Variants in FRMD7 observed in about 807,000 individuals in gnomAD.
FRMD7 encodes FERM domain containing 7.
FRMD7 carries 14 observed loss-of-function variants against 44.1 expected under a neutral mutation model. The ratio of observed to expected loss-of-function variants is 0.32; its 90% CI spans 0.21 to 0.50. The LOEUF (loss-of-function observed/expected upper bound fraction) is 0.50. FRMD7 is among the 20% of genes least tolerant of loss of function. FRMD7 has a pLI of 0.99. For synonymous variants in FRMD7, 212 were observed against 187.4 expected (o/e 1.13, Z -1.07); for missense variants, 501 against 522.3 (o/e 0.96, Z 0.40).
At chrX:132,103,157 T>C (rs766282590) in intron 1 of FRMD7, among the ~76,000 whole-genome samples, 4 of 112,195 alleles carry the variant, frequency 3.6e-5, no homozygotes, top group African/African-American at 6.5e-5. Flanking sequence ...GAATGTGTTA[T>C]GTAATAGGTA....
chrX:132,116,732 T>C (rs1928908217), intron 1 of FRMD7, among the ~76,000 whole-genome samples: 1 of 111,255 alleles, frequency 9.0e-6, no homozygotes, highest in Non-Finnish European at 1.9e-5. Flanking sequence ...AATACGTAGG[T>C]GATGGGTTGA....
At chrX:132,099,319 C>G in intron 3 of FRMD7, 149 bp downstream of exon 3, 2 of 460,372 alleles carry the variant, frequency 4.3e-6, no homozygotes, top group East Asian at 8.9e-5. Context: ...TTCTAAATTG[C>G]TGAATTTACT....
chrX:132,105,724 ATCG>A (rs1928628905), intron 1 of FRMD7, among the ~76,000 whole-genome samples: 1 of 111,522 alleles, frequency 9.0e-6, no homozygotes, highest in Non-Finnish European at 1.9e-5. Flanking sequence ...CAGCCATCAA[ATCG>A]TCGACAAAGC....
chrX:132,106,467 AT>A (rs1928649637), intron 1 of FRMD7, among the ~76,000 whole-genome samples: 1 of 112,119 alleles, frequency 8.9e-6, no homozygotes, highest in South Asian at 3.7e-4. Context: ...CAGTATGGCA[AT>A]TCCTCAACAA....
intron 4 of FRMD7, among the ~76,000 whole-genome samples, chrX:132,094,646 G>A (rs1429522736): frequency 8.9e-6 from 1 of 111,907 alleles, no homozygotes; most frequent in Non-Finnish European, 1.9e-5. Flanking sequence ...ATCACCCAAG[G>A]ATAGTGAATC....
rs766191752 is a variant in FRMD7 at position 132,099,454 on chromosome X, T to C, written c.205+14A>G. On this transcript the variant is annotated intron_variant, in intron 3 of 11. Coordinates refer to ENST00000298542, the MANE Select transcript of FRMD7 (RefSeq NM_194277.3). ...ACTGTGAACTCTCTTCCTTAAATGA[T>C]TTTCCATACTTACTTTTTACCTGCT... The C allele has an allele frequency of 2.5e-6, 3 of 1,184,695 alleles. No individual in the cohort carries two copies. The highest frequency in any genetic ancestry group is 3.4e-6 in the Non-Finnish European group (3 of 874,771).
intron 5 of FRMD7, among the ~76,000 whole-genome samples, chrX:132,091,902 A>G (rs2124236833): frequency 8.9e-6 from 1 of 111,985 alleles, no homozygotes; most frequent in South Asian, 3.7e-4. Context: ...ATTTAAAAAT[A>G]TAAATATTCA....
intron 5 of FRMD7, among the ~76,000 whole-genome samples, chrX:132,090,375 A>G (rs1275747935): frequency 8.9e-6 from 1 of 112,028 alleles, no homozygotes; most frequent in Non-Finnish European, 1.9e-5. Context: ...GCTCAGCAAA[A>G]GAAAGGAACA....
chrX:132,125,382 A>T (rs765541241), intron 1 of FRMD7, among the ~76,000 whole-genome samples: 1 of 111,759 alleles, frequency 8.9e-6, no homozygotes, highest in Non-Finnish European at 1.9e-5. Context: ...CCCTTATGCA[A>T]CCAATTATTT....
chrX:132,103,667 T>C (rs1467000014), intron 1 of FRMD7, among the ~76,000 whole-genome samples: 1 of 112,055 alleles, frequency 8.9e-6, no homozygotes, highest in Non-Finnish European at 1.9e-5. Flanking sequence ...AGTGGCTAGC[T>C]CTAAAAACAA....
At chrX:132,097,695 A>T (rs190449489) in intron 3 of FRMD7, among the ~76,000 whole-genome samples, 2 of 111,862 alleles carry the variant, frequency 1.8e-5, no homozygotes, top group East Asian at 5.6e-4. Flanking sequence ...GGGATTCTGC[A>T]TTCCTGACTG....
intron 5 of FRMD7, among the ~76,000 whole-genome samples, chrX:132,087,846 T>C: frequency 9.0e-6 from 1 of 111,333 alleles, no homozygotes; most frequent in Non-Finnish European, 1.9e-5. Context: ...AAAAGGATTA[T>C]ACACAATGAG....
chrX:132,109,258 C>T (rs1261145172), intron 1 of FRMD7, among the ~76,000 whole-genome samples: 2 of 111,914 alleles, frequency 1.8e-5, no homozygotes, highest in Non-Finnish European at 3.8e-5. Flanking sequence ...TACACAAAAA[C>T]AGAGACAGAG....
intron 5 of FRMD7, 23 bp downstream of exon 5, chrX:132,094,019 G>A (rs1407833598): frequency 1.0e-6 from 1 of 974,862 alleles, no homozygotes. Flanking sequence ...AGGTCCCAAA[G>A]CAGACAGACA....
At chrX:132,098,252 G>A (rs779457442) in intron 3 of FRMD7, among the ~76,000 whole-genome samples, 47 of 112,186 alleles carry the variant, frequency 4.2e-4, no homozygotes, top group African/African-American at 1.5e-3. Context: ...CAATTTAATA[G>A]GGCATTCTGT....
At chrX:132,119,712 G>A (rs916409654) in intron 1 of FRMD7, among the ~76,000 whole-genome samples, 3 of 111,452 alleles carry the variant, frequency 2.7e-5, no homozygotes, top group East Asian at 2.8e-4. Flanking sequence ...AACCAGGCAA[G>A]CTATATACAT....
At chrX:132,118,746 G>T (rs138184815) in intron 1 of FRMD7, among the ~76,000 whole-genome samples, 3 of 111,057 alleles carry the variant, frequency 2.7e-5, no homozygotes, top group Non-Finnish European at 5.7e-5. Flanking sequence ...GTCTCTCATC[G>T]CTCTCTCTCA....
chrX:132,122,448 A>T (rs768730070), intron 1 of FRMD7, among the ~76,000 whole-genome samples: 11 of 112,254 alleles, frequency 9.8e-5, no homozygotes, highest in Non-Finnish European at 1.5e-4. Flanking sequence ...TGCTCCTTCT[A>T]TTCTGTTCTC....
At chrX:132,112,447 C>G (rs1277188241) in intron 1 of FRMD7, among the ~76,000 whole-genome samples, 1 of 111,521 alleles carries the variant, frequency 9.0e-6, no homozygotes, top group Non-Finnish European at 1.9e-5. Flanking sequence ...AGCAATAAAC[C>G]CTGGAGGGAA....
Sources: allele counts gnomAD v4.1 joint callset (sites outside exome capture counted in the v4.1 genomes callset), GRCh38; gene constraint gnomAD v4.1.1; transcripts MANE v1.5; gene names NCBI Gene and HGNC (gene_info 2026-07-23, HGNC 2026-07-21).